Variants in FRMD4B observed in about 807,000 individuals in gnomAD.
FRMD4B encodes the protein FERM domain containing 4B.
Under a neutral mutation model 141.5 loss-of-function variants are expected in FRMD4B, and 74 were observed. That is an observed-to-expected ratio of 0.52 (90% CI 0.43 to 0.63). The LOEUF (loss-of-function observed/expected upper bound fraction) is 0.63. Ranked by LOEUF, FRMD4B falls within the 30% of genes least tolerant of loss-of-function variation. The pLI is 0.00. For synonymous variants in FRMD4B, 506 were observed against 467.9 expected (o/e 1.08, Z -1.05); for missense variants, 1,366 against 1,253.4 (o/e 1.09, Z -1.36).
intron 21 of FRMD4B, among the ~76,000 whole-genome samples, chr3:69,179,826 G>A (rs974612932): frequency 6.6e-6 from 1 of 152,086 alleles, no homozygotes; most frequent in East Asian, 1.9e-4. Flanking sequence ...TGAGCTCATC[G>A]TGGCCAGGAA....
intron 11 of FRMD4B, among the ~76,000 whole-genome samples, chr3:69,205,776 T>G (rs1193621548): frequency 6.6e-6 from 1 of 152,194 alleles, no homozygotes. Context: ...AACCCTGACT[T>G]ACAGGATAAT....
intron 11 of FRMD4B, chr3:69,200,728 C>T (rs967645138): frequency 2.4e-6 from 3 of 1,249,564 alleles, no homozygotes; most frequent in South Asian, 1.2e-5. Context: ...CCTGATACTT[C>T]CTAGGAAGTA....
chr3:69,456,014 C>T (rs967138313), intron 1 of FRMD4B, among the ~76,000 whole-genome samples: 1 of 152,122 alleles, frequency 6.6e-6, no homozygotes, highest in Admixed American at 6.5e-5. Flanking sequence ...TTATGCACAT[C>T]AAGGACTTAG....
At chr3:69,344,298 T>C (rs1025161815) in intron 1 of FRMD4B, among the ~76,000 whole-genome samples, 1 of 152,114 alleles carries the variant, frequency 6.6e-6, no homozygotes, top group African/African-American at 2.4e-5. Flanking sequence ...CAAATTTCTT[T>C]CTTTGTGAAA....
At chr3:69,289,855 C>T (rs1361617970) in intron 4 of FRMD4B, among the ~76,000 whole-genome samples, 1 of 152,060 alleles carries the variant, frequency 6.6e-6, no homozygotes, top group Admixed American at 6.6e-5. Flanking sequence ...AATCACTGAT[C>T]AATGTTATTT....
At chr3:69,478,653 G>C (rs1018752792) in intron 1 of FRMD4B, among the ~76,000 whole-genome samples, 11 of 152,154 alleles carry the variant, frequency 7.2e-5, no homozygotes, top group Non-Finnish European at 8.8e-5. Context: ...AATAGGTGTG[G>C]TGTGGTGCTG....
chr3:69,246,411 T>C (rs1213595958), intron 7 of FRMD4B, among the ~76,000 whole-genome samples: 12 of 152,070 alleles, frequency 7.9e-5, no homozygotes, highest in Admixed American at 6.6e-4. Flanking sequence ...ACTAAGATCA[T>C]GCCACTGCAC....
At chr3:69,373,855 A>G (rs568332233) in intron 1 of FRMD4B, among the ~76,000 whole-genome samples, 17 of 152,324 alleles carry the variant, frequency 1.1e-4, no homozygotes, top group Middle Eastern at 3.4e-3. Context: ...CCTGAGACAC[A>G]AAATAAGACC....
At chr3:69,267,664 GAGAGAGAGAGAGA>G in intron 5 of FRMD4B, among the ~76,000 whole-genome samples, 1 of 143,700 alleles carries the variant, frequency 7.0e-6, no homozygotes, top group South Asian at 2.3e-4. Context: ...GAGAGAGAGA[GAGAGAGAGAGAGA>G]GAGAGAGAGA....
rs1311775966 is a variant in FRMD4B at position 69,224,771 on chromosome 3, A to T, written c.582-81T>A. 11 of 728,254 alleles carry T rather than the reference A, an allele frequency of 1.5e-5. No individual in the cohort carries two copies. The East Asian group carries it at 2.2e-4, about 14-fold the overall frequency. The allele number at this position is 728,254 out of a possible 1,614,324, so 45.1% of individuals were successfully genotyped here. A position where few individuals can be genotyped will look rare whatever the true frequency, so the allele number is the denominator to read the frequency against. ...AGCCGGTCACCAAATGAATTAGATT[A>T]AAAAAATAACTATTTACAGCATGTT... On this transcript the variant is annotated intron_variant, in intron 7 of 22. Coordinates refer to ENST00000398540, the MANE Select transcript of FRMD4B (RefSeq NM_015123.3).
intron 3 of FRMD4B, among the ~76,000 whole-genome samples, chr3:69,309,934 G>A (rs915844037): frequency 6.6e-6 from 1 of 152,174 alleles, no homozygotes; most frequent in African/African-American, 2.4e-5. Flanking sequence ...TTCAGCCTAT[G>A]TGTGTGCGTG....
intron 1 of FRMD4B, chr3:69,471,883 A>G (rs1705897688): frequency 6.4e-6 from 1 of 155,176 alleles, no homozygotes; most frequent in Non-Finnish European, 1.5e-5. Flanking sequence ...CACTTCTAGT[A>G]GTCTCAGGTA....
chr3:69,482,483 G>A (rs1706141003), intron 1 of FRMD4B, among the ~76,000 whole-genome samples: 1 of 152,114 alleles, frequency 6.6e-6, no homozygotes, highest in Non-Finnish European at 1.5e-5. Context: ...AAAGGGAAAG[G>A]AGGAAGAAAA....
At chr3:69,228,459 G>A (rs879354581) in intron 7 of FRMD4B, 14 of 456,680 alleles carry the variant, frequency 3.1e-5, no homozygotes, top group South Asian at 2.2e-4. Context: ...ACTCTGAAGA[G>A]AGGAGAACAT....
At chr3:69,484,296 G>A (rs531394878) in intron 1 of FRMD4B, among the ~76,000 whole-genome samples, 1 of 152,308 alleles carries the variant, frequency 6.6e-6, no homozygotes, top group Non-Finnish European at 1.5e-5. Context: ...GGGCTGGATG[G>A]GGAAGGTGGA....
intron 4 of FRMD4B, among the ~76,000 whole-genome samples, chr3:69,298,848 C>T (rs1020115075): frequency 2.4e-4 from 37 of 152,130 alleles, no homozygotes; most frequent in African/African-American, 6.8e-4. Context: ...CATAACCCCT[C>T]ACATAAGATA....
chr3:69,346,721 CA>C (rs1702956726), intron 1 of FRMD4B, among the ~76,000 whole-genome samples: 1 of 152,112 alleles, frequency 6.6e-6, no homozygotes, highest in South Asian at 2.1e-4. Flanking sequence ...ATTTCATATC[CA>C]GCCAAACTAA....
chr3:69,304,554 T>C (rs1056610743), intron 3 of FRMD4B, among the ~76,000 whole-genome samples: 2 of 151,770 alleles, frequency 1.3e-5, no homozygotes, highest in Admixed American at 6.6e-5. Context: ...ATATATATTA[T>C]GGGCTTACTG....
At chr3:69,471,580 T>A in intron 1 of FRMD4B, 1 of 228,050 alleles carries the variant, frequency 4.4e-6, no homozygotes, top group South Asian at 8.6e-5. Context: ...ACTTAATTGT[T>A]CATATGCCCA....
Sources: allele counts gnomAD v4.1 joint callset (sites outside exome capture counted in the v4.1 genomes callset), GRCh38; gene constraint gnomAD v4.1.1; transcripts MANE v1.5; gene names NCBI Gene and HGNC (gene_info 2026-07-23, HGNC 2026-07-21).